COL22A1: variants seen among roughly 807,000 people sequenced by gnomAD.
The protein encoded by COL22A1 is collagen type XXII alpha 1 chain, also known as collagen alpha-1(XXII) chain.
COL22A1 carries 221 observed loss-of-function variants against 248.9 expected under a neutral mutation model. The observed-to-expected ratio is 0.89, with a 90% CI of 0.80 to 0.99. COL22A1 has a LOEUF of 0.99. COL22A1 is among the 50% of genes least tolerant of loss of function. The pLI is 0.00. For synonymous variants in COL22A1, 891 were observed against 793.4 expected (o/e 1.12, Z -2.07); for missense variants, 2,240 against 2,179.0 (o/e 1.03, Z -0.56).
intron 17 of COL22A1, 42 bp downstream of exon 17, chr8:138,762,371 C>A: frequency 1.9e-6 from 3 of 1,600,578 alleles, no homozygotes; most frequent in Non-Finnish European, 2.6e-6. Flanking sequence ...CATCCTCTGA[C>A]CGCTGATGAA....
chr8:138,771,253 C>A (rs1834343942), intron 16 of COL22A1, among the ~76,000 whole-genome samples: 1 of 152,150 alleles, frequency 6.6e-6, no homozygotes, highest in Non-Finnish European at 1.5e-5. Flanking sequence ...AAGGAAGCTC[C>A]CACAGCAGGT....
Position 138,779,556 on chromosome 8 carries a change from G to A in COL22A1, c.1657C>T (p.Pro553Ser), listed in dbSNP as rs1204820152. Residue 553 changes from proline to serine, a missense_variant, in exon 14 of 65, where the codon CCA becomes TCA. Transcript: ENST00000303045. ...RDGSKGMRGE[P>S]GELGEPGLPG... is the part of the protein sequence containing the mutation. ...AGCCCCGGCTCTCCCAGCTCTCCTG[G>A]CTCCCCCTGAACAAACAAAACAACA... 2.5e-6 allele frequency: 4 copies of A among 1,612,060 alleles called. No homozygotes were observed. Among genetic ancestry groups the A allele is most frequent in the Non-Finnish European group, 3.4e-6 (4 of 1,178,334 alleles).
At chr8:138,606,351 T>A (rs1019057599) in intron 58 of COL22A1, 30 bp downstream of exon 58, 2 of 1,597,468 alleles carry the variant, frequency 1.3e-6, no homozygotes, top group Non-Finnish European at 1.7e-6. Flanking sequence ...GAGCCAGGTA[T>A]CTTGGGCCCC....
At chr8:138,613,773 A>G in intron 56 of COL22A1, 94 bp downstream of exon 56, 2 of 1,146,858 alleles carry the variant, frequency 1.7e-6, no homozygotes, top group Non-Finnish European at 2.7e-6. Flanking sequence ...TTTTAACAAT[A>G]TATACAGTGG....
intron 47 of COL22A1, among the ~76,000 whole-genome samples, chr8:138,643,553 C>A (rs1821907027): frequency 6.6e-6 from 1 of 151,764 alleles, no homozygotes. Flanking sequence ...AATCACTCAC[C>A]TTGGGTACTG....
intron 2 of COL22A1, 24 bp downstream of exon 2, chr8:138,883,058 T>TGGCACAGCCC: frequency 6.4e-7 from 1 of 1,551,890 alleles, no homozygotes. Context: ...CAGCACAGCA[T>TGGCACAGCCC]GGCACAGCCC....
chr8:138,605,681 A>G (rs1818367262), intron 58 of COL22A1, among the ~76,000 whole-genome samples: 1 of 152,162 alleles, frequency 6.6e-6, no homozygotes, highest in Admixed American at 6.5e-5. Flanking sequence ...CTCATTCATC[A>G]GGTCAGCAGT....
intron 12 of COL22A1, among the ~76,000 whole-genome samples, chr8:138,791,787 C>T (rs543974883): frequency 2.9e-4 from 44 of 152,270 alleles, no homozygotes; most frequent in Admixed American, 1.2e-3. Flanking sequence ...GTTTATGGTG[C>T]CAGTAAAATT....
intron 3 of COL22A1, among the ~76,000 whole-genome samples, chr8:138,847,126 G>C (rs904540889): frequency 3.9e-5 from 6 of 152,332 alleles, no homozygotes; most frequent in Admixed American, 6.5e-5. Context: ...TAATGGGCAT[G>C]TCTGTCTCCC....
chr8:138,905,124 C>G (rs561262961), intron 1 of COL22A1, among the ~76,000 whole-genome samples: 31 of 152,338 alleles, frequency 2.0e-4, no homozygotes, highest in African/African-American at 7.2e-4. Context: ...AAACTCTAAG[C>G]TCTTGATAAA....
chr8:138,722,180 C>G, intron 25 of COL22A1, 91 bp from the exon 26 acceptor site: 1 of 1,119,726 alleles, frequency 8.9e-7, no homozygotes, highest in Non-Finnish European at 1.3e-6. Flanking sequence ...GCTGTTTTTG[C>G]AGCCAGAATG....
intron 43 of COL22A1, among the ~76,000 whole-genome samples, chr8:138,661,664 A>T (rs1823971765): frequency 6.6e-6 from 1 of 152,148 alleles, no homozygotes. Flanking sequence ...GAAAAGAGAG[A>T]GCCATTCCAG....
chr8:138,768,885 C>T (rs1193206176), intron 16 of COL22A1, among the ~76,000 whole-genome samples: 2 of 151,906 alleles, frequency 1.3e-5, no homozygotes, highest in Admixed American at 6.6e-5. Context: ...TTCAGTGAGC[C>T]GAGATAGTGC....
At chr8:138,784,229 C>T (rs891295907) in intron 12 of COL22A1, among the ~76,000 whole-genome samples, 1 of 152,188 alleles carries the variant, frequency 6.6e-6, no homozygotes, top group Admixed American at 6.5e-5. Context: ...TCCAGGATAC[C>T]TGTCCATCCT....
At chr8:138,652,346 G>C (rs1822812193) in intron 45 of COL22A1, among the ~76,000 whole-genome samples, 1 of 152,194 alleles carries the variant, frequency 6.6e-6, no homozygotes, top group African/African-American at 2.4e-5. Flanking sequence ...ACAATTAATG[G>C]AAAATGCCTG....
At position 138,594,092 on chromosome 8, in the gene COL22A1, C is replaced by T. The variant is rs752188788; in HGVS notation, c.4540G>A (p.Ala1514Thr). Residue 1514 changes from alanine to threonine, a missense_variant, in exon 63 of 65, where the codon GCC becomes ACC. Ala to Thr is a moderately conservative substitution (Grantham distance 58). Coordinates refer to ENST00000303045, the MANE Select transcript of COL22A1 (RefSeq NM_152888.3). Reference protein sequence around the residue: ...PPGKDGLPGRAGPMGEPGRPG... With the variant: ...PPGKDGLPGRTGPMGEPGRPG... ...CGACCTGGCTCCCCCATGGGGCCGG[C>T]CCGGCCTGGAAGCCCATCTTTTCCA... is the stretch of plus-strand genomic sequence containing the variant. The T allele has an allele frequency of 7.6e-6, 12 of 1,585,390 alleles. No homozygotes were observed. Among genetic ancestry groups the T allele is most frequent in the Non-Finnish European group, 1.0e-5 (12 of 1,170,746 alleles).
chr8:138,807,616 A>G, intron 10 of COL22A1, 152 bp downstream of exon 10: 1 of 681,114 alleles, frequency 1.5e-6, no homozygotes, highest in Non-Finnish European at 2.5e-6. Flanking sequence ...TTCAGACTTT[A>G]TGACATTTGC....
chr8:138,623,656 T>TCCTCACA (rs1820007560), intron 52 of COL22A1, 76 bp downstream of exon 52: 2 of 1,281,886 alleles, frequency 1.6e-6, no homozygotes, highest in Non-Finnish European at 2.2e-6. Flanking sequence ...TCAAAATAGC[T>TCCTCACA]CCTCACACAA....
chr8:138,865,128 G>A (rs1013035133), intron 3 of COL22A1, among the ~76,000 whole-genome samples: 7 of 152,166 alleles, frequency 4.6e-5, no homozygotes, highest in Non-Finnish European at 7.4e-5. Context: ...TATGGAAGCA[G>A]ATATTTCCCA....
Sources: gnomAD v4.1 joint callset for allele counts (sites outside exome capture counted in the v4.1 genomes callset) on GRCh38, gnomAD v4.1.1 for gene constraint, MANE v1.5 for transcripts, NCBI Gene and HGNC (gene_info 2026-07-23, HGNC 2026-07-21) for gene names.